The following TRMT44 variants were observed in gnomAD, a reference collection of about 807,000 sequenced individuals.
The protein encoded by TRMT44 is probable tRNA (uracil-O(2)-)-methyltransferase.
A neutral mutation model predicts 77.3 loss-of-function variants in TRMT44; 78 were observed. The ratio of observed to expected loss-of-function variants is 1.01; its 90% confidence interval spans 0.84 to 1.22. The LOEUF is 1.22. Ranked by LOEUF, TRMT44 falls within the 50% of genes most tolerant of loss-of-function variation. The probability of loss-of-function intolerance (pLI) is 0.00; values close to 1 mark genes in which losing one functional copy is unlikely to be tolerated. For synonymous variants in TRMT44, 391 were observed against 383.3 expected, an observed-to-expected ratio of 1.02 and a Z score of -0.23; for missense variants, 1,090 against 964.4, an observed-to-expected ratio of 1.13 and a Z score of -1.73.
Position 8,446,250 on chromosome 4 carries a change from C to G in TRMT44, c.620-226C>G, listed in dbSNP as rs554321639. 1.3e-5 allele frequency among the ~76,000 whole-genome samples: 2 copies of G among 152,306 alleles called. No individual in the cohort carries two copies. Among genetic ancestry groups the G allele is most frequent in the African/African-American group, 2.4e-5 (1 of 41,556 alleles). On this transcript the variant is annotated intron_variant, in intron 1 of 10. Transcript: ENST00000389737. The surrounding 1 kb of genome is among the most constrained non-coding windows in gnomAD (Gnocchi z 4.3). ...CCCTCAGGTCCTGGCTCATGCATCT[C>G]TCAACAGATACTTGCAGAGAATGGC... is the stretch of plus-strand genomic sequence containing the variant.
chr4:8,449,951 T>TTTCTTTTCTTTTC (rs56676930), intron 3 of TRMT44, 63 bp downstream of exon 3: 8 of 274,462 alleles, frequency 2.9e-5, no homozygotes, highest in African/African-American at 1.3e-4. Context: ...TTTCTTTTCT[T>TTTCTTTTCTTTTC]TTTTTTTTTT....
At chr4:8,465,138 G>C (rs894490974) in intron 7 of TRMT44, among the ~76,000 whole-genome samples, 4 of 152,054 alleles carry the variant, frequency 2.6e-5, no homozygotes, top group African/African-American at 4.8e-5. Context: ...TGGGTCATGG[G>C]GTCTGTCTTA....
At chr4:8,516,719 A>C in the TRMT44 span, among the ~76,000 whole-genome samples, 1 of 152,122 alleles carries the variant, frequency 6.6e-6, no homozygotes, top group East Asian at 1.9e-4. Context: ...TTGAAGCTGC[A>C]GTCAGCCAAG....
chr4:8,466,125 G>A (rs1284305127), intron 8 of TRMT44, among the ~76,000 whole-genome samples: 2 of 152,210 alleles, frequency 1.3e-5, no homozygotes, highest in African/African-American at 4.8e-5. Flanking sequence ...CCTTTTGAAA[G>A]TACCGTGGAA....
At chr4:8,495,846 G>A (rs912020173), downstream of TRMT44, among the ~76,000 whole-genome samples, 3 of 152,134 alleles carry the variant, frequency 2.0e-5, no homozygotes, top group African/African-American at 7.2e-5. Flanking sequence ...AAGTACCTCT[G>A]ATTGGTTCCC....
intron 1 of TRMT44, among the ~76,000 whole-genome samples, chr4:8,445,593 C>T (rs1228136956): frequency 2.6e-5 from 4 of 152,242 alleles, no homozygotes; most frequent in African/African-American, 7.2e-5. Flanking sequence ...TGACCTCCTT[C>T]GGCTCTCTGC....
chr4:8,449,823 A>G lies in TRMT44; in HGVS notation c.889A>G (p.Ile297Val). ...KSDFKSTLSLISIMKYSKAYQ... is the reference protein window; with the variant it reads ...KSDFKSTLSLVSIMKYSKAYQ... The stretch of plus-strand genomic sequence containing the variant: ...TGACTTTAAAAGCACCCTTTCCCTC[A>G]TCTCCATTATGAAGTATAGCAAGGC... The change falls in exon 3 of 11, where the codon ATC (isoleucine) becomes GTC (valine). Residue 297 changes from isoleucine (I) to valine (V), a missense_variant. Transcript: ENST00000389737. The G allele has an allele frequency of 6.5e-7, 1 of 1,535,982 alleles. No homozygotes were observed. Among genetic ancestry groups the G allele is most frequent in the African/African-American group, 1.4e-5 (1 of 73,114 alleles).
At chr4:8,475,692 G>T in intron 10 of TRMT44, 80 bp from the exon 11 acceptor site, 2 of 1,362,234 alleles carry the variant, frequency 1.5e-6, no homozygotes, top group African/African-American at 1.4e-5. Flanking sequence ...CTCCCGTGGC[G>T]TGGGAGCTAA....
intron 7 of TRMT44, 151 bp from the exon 8 acceptor site, chr4:8,465,227 C>G (rs1318038541): frequency 1.4e-6 from 1 of 725,820 alleles, no homozygotes; most frequent in Non-Finnish European, 2.3e-6. Flanking sequence ...TAAAAGTGGA[C>G]ATTATATGCA....
At chr4:8,510,990 C>T in the TRMT44 span, 1 of 152,568 alleles carries the variant, frequency 6.6e-6, no homozygotes, top group South Asian at 2.1e-4. Context: ...GCACCAGAGT[C>T]CCACAGGTGA....
chr4:8,515,073 G>A, the TRMT44 span, among the ~76,000 whole-genome samples: 8 of 152,192 alleles, frequency 5.3e-5, no homozygotes, highest in South Asian at 8.3e-4. Context: ...TCAAGTGATC[G>A]TCCTAACTCA....
intron 2 of TRMT44, among the ~76,000 whole-genome samples, chr4:8,485,969 T>C (rs577766474): frequency 1.7e-4 from 26 of 152,292 alleles, no homozygotes; most frequent in Admixed American, 9.8e-4. Context: ...TACCCTCCAC[T>C]GTGAGAGTTA....
In TRMT44 at chr4:8,441,430, T is replaced by C. The variant is rs751618154; in HGVS notation, c.608T>C (p.Ile203Thr). 7.2e-5 allele frequency: 109 copies of C among 1,515,312 alleles called. No homozygotes were observed. Among genetic ancestry groups the C allele is most frequent in the Non-Finnish European group, 9.1e-5 (103 of 1,132,164 alleles). The allele number at this position is 1,515,312 out of a possible 1,614,324, so 93.9% of individuals were successfully genotyped here. A position where few individuals can be genotyped will look rare whatever the true frequency, so the allele number is the denominator to read the frequency against. Reference sequence around the variant, plus strand: ...CCCCTTACAACTCCCAGGAGGGAAATAGTCGTGCAAGGTAAGAGTGTTTTG... The same window carrying C: ...CCCCTTACAACTCCCAGGAGGGAAACAGTCGTGCAAGGTAAGAGTGTTTTG... ...HCPLTTPRRE[I>T]VVQDVLNGTI... The change falls in exon 1 of 11, where the codon ATA (isoleucine) becomes ACA (threonine). Residue 203 changes from isoleucine (I) to threonine (T), a missense_variant. Ile to Thr is a moderately conservative substitution (Grantham distance 89). Transcript: ENST00000389737.
In TRMT44 at chr4:8,452,458, GT is replaced by G. The variant is rs1725515331; in HGVS notation, c.1024-421del. The stretch of plus-strand genomic sequence containing the variant: ...TATAAGAATGTTTAGAGTAGGCTGG[GT>G]TTGGTGGCTCAAGCCTGTAATTCCC... On this transcript the variant is annotated intron_variant, in intron 4 of 10. Transcript: ENST00000389737. This position sits in a 1 kb window ranked among gnomAD's most constrained non-coding sequence, Gnocchi z 5.7. Among the ~76,000 whole-genome samples the G allele has an allele frequency of 6.6e-6, 1 of 152,250 alleles. No individual in the cohort carries two copies. Among genetic ancestry groups the G allele is most frequent in the South Asian group, 2.1e-4 (1 of 4,836 alleles).
chr4:8,482,223 G>A (rs948495045), intron 2 of TRMT44: 1 of 152,174 alleles, frequency 6.6e-6, no homozygotes, highest in Non-Finnish European at 1.5e-5. Context: ...ACTCCTCAAC[G>A]GCATCCTCCT....
At chr4:8,447,057 G>C (rs184129842) in intron 2 of TRMT44, among the ~76,000 whole-genome samples, 1 of 152,232 alleles carries the variant, frequency 6.6e-6, no homozygotes, top group East Asian at 1.9e-4. Flanking sequence ...TGTATTTTCA[G>C]TAGAGACGGG....
At chr4:8,482,859 A>T (rs2450475) in intron 2 of TRMT44, among the ~76,000 whole-genome samples, 108,770 of 148,360 alleles carry the variant, frequency 0.73, 40,185 homozygotes, top group South Asian at 0.84. Context: ...CCTTCTTATA[A>T]TAATAAGAAA....
Position 8,468,074 on chromosome 4 carries a change from G to T in TRMT44, c.1655G>T (p.Gly552Val), listed in dbSNP as rs1726722745. The T allele has an allele frequency of 1.2e-6, 2 of 1,613,834 alleles. No homozygotes were observed. The highest frequency in any genetic ancestry group is 4.5e-5 in the East Asian group (2 of 44,892). ...SPRWVAAGSA[G>V]HCDGQQALDA... The stretch of plus-strand genomic sequence containing the variant: ...CGCTGGGTTGCTGCTGGCAGTGCTG[G>T]TCACTGTGACGGTCAGCAAGCTCTG... The change falls in exon 9 of 11, where the codon GGT becomes GTT. Residue 552 changes from glycine (G) to valine (V), a missense_variant. Coordinates refer to ENST00000389737, the MANE Select transcript of TRMT44 (RefSeq NM_152544.3).
At chr4:8,482,378 A>C (rs866980099) in intron 2 of TRMT44, 1 of 152,372 alleles carries the variant, frequency 6.6e-6, no homozygotes, top group African/African-American at 2.4e-5. Context: ...CTTGGCAGGC[A>C]CACCTGGGTC....
Sources: gnomAD v4.1 joint callset for allele counts (sites outside exome capture counted in the v4.1 genomes callset) on GRCh38, gnomAD v4.1.1 for gene constraint, Gnocchi (gnomAD v3.1) non-coding constraint, MANE v1.5 for transcripts, NCBI Gene and HGNC (gene_info 2026-07-23, HGNC 2026-07-21) for gene names.